CSGALNACT1: variants seen among roughly 807,000 people sequenced by gnomAD.
CSGALNACT1 encodes beta4GalNAcT-1.
CSGALNACT1 carries 52 observed loss-of-function variants against 51.0 expected under a neutral mutation model. The ratio of observed to expected loss-of-function variants is 1.02; its 90% confidence interval spans 0.82 to 1.29. CSGALNACT1 has a LOEUF of 1.29. Among genes scored for constraint, CSGALNACT1 ranks in the 50% most tolerant of loss-of-function variants. The probability of loss-of-function intolerance (pLI) is 0.00; values close to 1 mark genes in which losing one functional copy is unlikely to be tolerated. For missense variants in CSGALNACT1, 935 were observed against 679.2 expected, an observed-to-expected ratio of 1.38 and a Z score of -4.19; for synonymous variants, 341 against 254.4, an observed-to-expected ratio of 1.34 and a Z score of -3.24.
intron 3 of CSGALNACT1, among the ~76,000 whole-genome samples, chr8:19,559,283 A>C (rs918911063): frequency 6.6e-6 from 1 of 152,206 alleles, no homozygotes; most frequent in African/African-American, 2.4e-5. Context: ...AAAATTGAAC[A>C]TCCATGATTT....
At chr8:19,541,795 A>T (rs755542164) in intron 3 of CSGALNACT1, among the ~76,000 whole-genome samples, 10 of 151,902 alleles carry the variant, frequency 6.6e-5, no homozygotes, top group Non-Finnish European at 1.5e-4. Flanking sequence ...TTTTGTAATA[A>T]AACATGTAAT....
At position 19,647,181 on chromosome 8, in the gene CSGALNACT1, C is replaced by T. The variant is rs937975254; in HGVS notation, c.-544+35292G>A. On this transcript the variant is annotated intron_variant, in intron 1 of 9. Transcript: ENST00000332246. The stretch of plus-strand genomic sequence containing the variant: ...GGTTAGCTGACAACTCACAGCTTCT[C>T]ACCCTGACCAGGTGCCATGTCCATT... Among the ~76,000 whole-genome samples, 3 of 152,312 alleles carry T rather than the reference C, an allele frequency of 2.0e-5. No homozygotes were observed. The East Asian group carries it at 5.8e-4, about 29-fold the overall frequency.
intron 1 of CSGALNACT1, among the ~76,000 whole-genome samples, chr8:19,718,268 AT>A (rs1284654223): frequency 1.3e-5 from 2 of 151,820 alleles, no homozygotes; most frequent in Non-Finnish European, 2.9e-5. Flanking sequence ...TAATTTTTGT[AT>A]TTTTGTATTT....
chr8:19,541,576 T>C (rs2085159247), intron 3 of CSGALNACT1, among the ~76,000 whole-genome samples: 1 of 142,554 alleles, frequency 7.0e-6, no homozygotes. Context: ...TTTTTTTTTT[T>C]TTTAGTAGAG....
At chr8:19,668,566 C>A (rs2059558210) in intron 1 of CSGALNACT1, among the ~76,000 whole-genome samples, 1 of 152,138 alleles carries the variant, frequency 6.6e-6, no homozygotes, top group South Asian at 2.1e-4. Flanking sequence ...ATTTTATTTT[C>A]ATTTTTGAGA....
chr8:19,629,360 G>A (rs1353555380), intron 1 of CSGALNACT1, among the ~76,000 whole-genome samples: 1 of 152,184 alleles, frequency 6.6e-6, no homozygotes, highest in Non-Finnish European at 1.5e-5. Context: ...TGTAACTGGT[G>A]CTATGCCAGG....
chr8:19,433,513 T>C (rs2059940696), intron 6 of CSGALNACT1, among the ~76,000 whole-genome samples: 2 of 152,202 alleles, frequency 1.3e-5, no homozygotes, highest in Admixed American at 6.5e-5. Context: ...AACCACTGCC[T>C]CGGGCAGCCA....
intron 1 of CSGALNACT1, among the ~76,000 whole-genome samples, chr8:19,692,820 A>G (rs2061399235): frequency 6.6e-6 from 1 of 152,242 alleles, no homozygotes; most frequent in East Asian, 1.9e-4. Context: ...TAGATCCTTA[A>G]CCTCCCCAGA....
Position 19,666,830 on chromosome 8 carries a change from AG to A in CSGALNACT1, c.-544+15642del, listed in dbSNP as rs1393584901. 9.0e-4 allele frequency among the ~76,000 whole-genome samples: 36 copies of A among 40,196 alleles called. 1 individual carries two copies. The highest frequency in any genetic ancestry group is 1.4e-3 in the South Asian group (2 of 1,398). The allele number at this position is 40,196 out of a possible 152,430, so 26.4% of individuals were successfully genotyped here. On this transcript the variant is annotated intron_variant, in intron 1 of 9. Coordinates refer to the CSGALNACT1 transcript ENST00000332246. Reference sequence around the variant, plus strand: ...AAGAAAGAGAGAGAGAGAGAGAGAGAGAGAAAGAAAGAAAGAAAGAAAGAAA... The same window carrying A: ...AAGAAAGAGAGAGAGAGAGAGAGAGAAGAAAGAAAGAAAGAAAGAAAGAAA...
At chr8:19,695,813 G>C (rs896268023) in intron 1 of CSGALNACT1, among the ~76,000 whole-genome samples, 1 of 152,122 alleles carries the variant, frequency 6.6e-6, no homozygotes, top group African/African-American at 2.4e-5. Flanking sequence ...CTCCTTCAGC[G>C]CAGGAGATTT....
At chr8:19,454,214 T>A (rs764805274) in intron 5 of CSGALNACT1, among the ~76,000 whole-genome samples, 7 of 152,212 alleles carry the variant, frequency 4.6e-5, no homozygotes, top group African/African-American at 7.2e-5. Context: ...CGACGTTTCT[T>A]GAAAAAATTT....
intron 1 of CSGALNACT1, among the ~76,000 whole-genome samples, chr8:19,678,285 G>A (rs2060344444): frequency 6.6e-6 from 1 of 152,152 alleles, no homozygotes; most frequent in East Asian, 1.9e-4. Flanking sequence ...TGCATAGAGG[G>A]CTCTTTAGAA....
At chr8:19,414,754 T>C (rs6992950) in intron 8 of CSGALNACT1, among the ~76,000 whole-genome samples, 59,988 of 152,064 alleles carry the variant, frequency 0.39, 12,260 homozygotes, top group African/African-American at 0.49. Context: ...TTGTCTTTTG[T>C]TTGCAAAACT....
At chr8:19,506,103 T>A in exon 4 of CSGALNACT1, 1 of 640,358 alleles carries the variant, frequency 1.6e-6, no homozygotes, top group Non-Finnish European at 2.9e-6. Flanking sequence ...ACAGCCTTCC[T>A]GATGTGCAGC....
intron 3 of CSGALNACT1, among the ~76,000 whole-genome samples, chr8:19,580,946 A>G (rs1371808266): frequency 1.3e-5 from 2 of 152,222 alleles, no homozygotes; most frequent in Non-Finnish European, 2.9e-5. Flanking sequence ...AGAAAATCTA[A>G]TCAGAAGCAC....
intron 6 of CSGALNACT1, among the ~76,000 whole-genome samples, chr8:19,424,796 A>G (rs1585675829): frequency 6.6e-6 from 1 of 152,154 alleles, no homozygotes; most frequent in Non-Finnish European, 1.5e-5. Context: ...TTCAACTCAA[A>G]TCACTGATGT....
At chr8:19,593,114 T>G (rs951938429) in intron 2 of CSGALNACT1, among the ~76,000 whole-genome samples, 2 of 152,200 alleles carry the variant, frequency 1.3e-5, no homozygotes, top group Non-Finnish European at 2.9e-5. Context: ...GCTAACTGCT[T>G]CAGTAACTAA....
intron 3 of CSGALNACT1, among the ~76,000 whole-genome samples, chr8:19,532,386 C>T (rs528249164): frequency 7.9e-5 from 12 of 152,020 alleles, no homozygotes; most frequent in East Asian, 3.9e-4. Flanking sequence ...CATATGAGCC[C>T]GGTATTTTCA....
At chr8:19,709,677 C>G (rs971819299) in intron 1 of CSGALNACT1, among the ~76,000 whole-genome samples, 1 of 152,198 alleles carries the variant, frequency 6.6e-6, no homozygotes, top group Non-Finnish European at 1.5e-5. Context: ...ACTTGGCACT[C>G]AGTGGTATCA....
Sources: allele counts gnomAD v4.1 joint callset (sites outside exome capture counted in the v4.1 genomes callset), GRCh38; gene constraint gnomAD v4.1.1; transcripts MANE v1.5; gene names NCBI Gene and HGNC (gene_info 2026-07-23, HGNC 2026-07-21).